Variants in SKIDA1 observed in about 807,000 individuals in gnomAD.
The protein encoded by SKIDA1 is SKI/DACH domain-containing protein 1.
Under a neutral mutation model 51.4 loss-of-function variants are expected in SKIDA1, and 18 were observed. That is an observed-to-expected ratio of 0.35 (90% CI 0.24 to 0.52). The LOEUF (loss-of-function observed/expected upper bound fraction) is 0.52, where lower values mean the gene tolerates loss of function less well. Ranked by LOEUF, SKIDA1 falls within the 20% of genes least tolerant of loss-of-function variation. The probability of loss-of-function intolerance (pLI) is 0.95; values close to 1 mark genes in which losing one functional copy is unlikely to be tolerated. For missense variants in SKIDA1, 1,104 were observed against 1,180.6 expected, an observed-to-expected ratio of 0.94 and a Z score of 0.95; for synonymous variants, 579 against 500.5, an observed-to-expected ratio of 1.16 and a Z score of -2.09.
At position 21,516,529 on chromosome 10, in the gene SKIDA1, C is replaced by G; in HGVS notation, c.1294G>C (p.Gly432Arg). 1 of 1,560,968 alleles carries G rather than the reference C, an allele frequency of 6.4e-7. No homozygotes were observed. Among genetic ancestry groups the G allele is most frequent in the East Asian group, 2.4e-5 (1 of 42,322 alleles). ...EEEEEEEGGS[G>R]ASDSSEVSSE... ...CTGACTTCACTGGAATCCGAGGCCC[C>G]GCTGCCCCCCTCCTCCTCCTCTTCC... The change falls in exon 4 of 4, where the codon GGG becomes CGG. Residue 432 changes from glycine (G) to arginine (R), a missense_variant. By Grantham distance (125) the Gly-to-Arg change is moderately radical. Transcript: ENST00000449193. The surrounding 1 kb of genome is among the most constrained non-coding windows in gnomAD (Gnocchi z 5.7).
chr10:21,518,552 A>C lies in SKIDA1; in HGVS notation c.-730T>G, dbSNP rs1284328666. 1.8e-5 allele frequency: 3 copies of C among 166,866 alleles called. No homozygotes were observed. The highest frequency in any genetic ancestry group is 4.8e-5 in the African/African-American group (2 of 41,402). 10.3% of individuals were successfully genotyped at this position (166,866 alleles called of 1,614,324 possible). ...TACGCTTAAGGGAGAAAAAAAAAAAAACCGCACCGTATATTCGCCTTTAAA... is the reference window on the plus strand; with the variant it reads ...TACGCTTAAGGGAGAAAAAAAAAAACACCGCACCGTATATTCGCCTTTAAA... On this transcript the variant is annotated 5_prime_UTR_variant, in exon 4 of 4. Transcript: ENST00000449193.
chr10:21,516,833 G>A lies in SKIDA1; in HGVS notation c.990C>T (p.Asn330=), dbSNP rs968178175. ...GGTGGTGCGGAGGCGGGCAGAAGCC[G>A]TTGACCAGATGAAACCTCTCCAGGC... The part of the protein sequence containing the change: ...ATCLERFHLV[N]GFCPPPHHHH... Residue 330 remains asparagine (N), a synonymous_variant, in exon 4 of 4, where the codon AAC becomes AAT. Coordinates refer to ENST00000449193, the MANE Select transcript of SKIDA1 (RefSeq NM_207371.4). The surrounding 1 kb of genome is among the most constrained non-coding windows in gnomAD (Gnocchi z 5.7). The A allele has an allele frequency of 5.2e-6, 8 of 1,541,988 alleles. No individual in the cohort carries two copies. Among genetic ancestry groups the A allele is most frequent in the Non-Finnish European group, 7.0e-6 (8 of 1,145,314 alleles).
Position 21,515,777 on chromosome 10 carries a change from C to T in SKIDA1, c.2046G>A (p.Leu682=), listed in dbSNP as rs1420511043. 6.2e-7 allele frequency: 1 copy of T among 1,613,850 alleles called. No homozygotes were observed. Among genetic ancestry groups the T allele is most frequent in the African/African-American group, 1.3e-5 (1 of 74,920 alleles). ...TDTGDKTLPF[L]HNIKIKVEDS... ...CTTCTACTTTGATTTTAATATTGTG[C>T]AGAAATGGCAATGTCTTGTCGCCTG... The change falls in exon 4 of 4, where the codon CTG becomes CTA. Residue 682 remains leucine, a synonymous_variant. Transcript: ENST00000449193.
rs370380837 is a variant in SKIDA1 at position 21,516,608 on chromosome 10, G to A, written c.1215C>T (p.Ser405=). The A allele has an allele frequency of 5.2e-6, 8 of 1,551,762 alleles. No individual in the cohort carries two copies. Among genetic ancestry groups the A allele is most frequent in the African/African-American group, 4.1e-5 (3 of 73,004 alleles). ...DSDFGSSLSS[S]SNSVSSEEEE... The stretch of plus-strand genomic sequence containing the variant: ...CTTCCTCTGAGGACACAGAATTGCT[G>A]GAGCTGGACAAACTGGAGCCAAAAT... The change falls in exon 4 of 4, where the codon TCC becomes TCT. Residue 405 remains serine (S), a synonymous_variant. Coordinates refer to ENST00000449193, the MANE Select transcript of SKIDA1 (RefSeq NM_207371.4). The surrounding 1 kb of genome is among the most constrained non-coding windows in gnomAD (Gnocchi z 5.7).
rs1272054351 is a variant in SKIDA1, at chr10:21,517,465, C to G, written c.358G>C (p.Glu120Gln). 6.6e-6 allele frequency: 10 copies of G among 1,521,052 alleles called. No individual in the cohort carries two copies. The highest frequency in any genetic ancestry group is 8.8e-6 in the Non-Finnish European group (10 of 1,138,612). 94.2% of individuals were successfully genotyped at this position (1,521,052 alleles called of 1,614,324 possible). A position where few individuals can be genotyped will look rare whatever the true frequency, so the allele number is the denominator to read the frequency against. ...CGGGGGCTGGCGGCAGCGGCGCGCTCTGGCGGCGGCGCCTTTGTGGCCAGG... is the reference window on the plus strand; with the variant it reads ...CGGGGGCTGGCGGCAGCGGCGCGCTGTGGCGGCGGCGCCTTTGTGGCCAGG... Reference protein sequence around the residue: ...RALATKAPPPERAAAASPRPG... With the variant: ...RALATKAPPPQRAAAASPRPG... The change falls in exon 4 of 4, where the codon GAG (glutamate) becomes CAG (glutamine). Residue 120 changes from glutamate (E) to glutamine (Q), a missense_variant. Glu to Gln is a conservative substitution (Grantham distance 29). This residue lies in a region of SKIDA1 where 938 missense variants were observed against 886.4 expected (regional missense o/e 1.06). Transcript: ENST00000449193. The surrounding 1 kb of genome is among the most constrained non-coding windows in gnomAD (Gnocchi z 6.9).
In SKIDA1 at chr10:21,513,552, T is replaced by C. The variant is rs1310482297; in HGVS notation, c.*1544A>G. ...CAGTGCAAATTTCCATAATTTTGAT[T>C]TACTGCTTCCATCATCACAACACAG... On this transcript the variant is annotated 3_prime_UTR_variant, in exon 4 of 4. Transcript: ENST00000449193. 6.6e-6 allele frequency: 1 copy of C among 152,640 alleles called. No individual in the cohort carries two copies. Among genetic ancestry groups the C allele is most frequent in the African/African-American group, 2.4e-5 (1 of 41,448 alleles). The allele number at this position is 152,640 out of a possible 1,614,324, so 9.5% of individuals were successfully genotyped here. A position where few individuals can be genotyped will look rare whatever the true frequency, so the allele number is the denominator to read the frequency against.
At chr10:21,524,789 C>T (rs2032607713) in intron 1 of SKIDA1, 1 of 152,166 alleles carries the variant, frequency 6.6e-6, no homozygotes, top group Non-Finnish European at 1.5e-5. Context: ...AGTGTTTGTC[C>T]TTGTATCCAC....
At position 21,516,213 on chromosome 10, in the gene SKIDA1, C is replaced by G; in HGVS notation, c.1610G>C (p.Ser537Thr). 1.2e-6 allele frequency: 2 copies of G among 1,614,070 alleles called. No homozygotes were observed. Among genetic ancestry groups the G allele is most frequent in the East Asian group, 2.2e-5 (1 of 44,884 alleles). ...TATCTCAGCGAAACAACTCCCCAGG[C>G]TGGCCGGGCAGTACACCGGAGATGC... is the stretch of plus-strand genomic sequence containing the variant. The part of the protein sequence containing the change: ...PKASPVYCPA[S>T]LGSCFAEIRN... Residue 537 changes from serine to threonine, a missense_variant, in exon 4 of 4, where the codon AGC (serine) becomes ACC (threonine). Ser to Thr is a moderately conservative substitution (Grantham distance 58, BLOSUM62 1). Around this residue, in one of 3 missense-constraint regions of SKIDA1, gnomAD observed 938 missense variants for 886.4 expected, o/e 1.06. Transcript: ENST00000449193. The surrounding 1 kb of genome is among the most constrained non-coding windows in gnomAD (Gnocchi z 5.7).
Position 21,515,995 on chromosome 10 carries a change from A to G in SKIDA1, c.1828T>C (p.Cys610Arg). 1 of 1,613,990 alleles carries G rather than the reference A, an allele frequency of 6.2e-7. No homozygotes were observed. Among genetic ancestry groups the G allele is most frequent in the Non-Finnish European group, 8.5e-7 (1 of 1,179,882 alleles). Residue 610 changes from cysteine to arginine, a missense_variant, in exon 4 of 4, where the codon TGT (cysteine) becomes CGT (arginine). Transcript: ENST00000449193. ...KCLQTTPTTH[C>R]ADNNTIAARF... ...GCAGCTATTGTGTTGTTATCTGCAC[A>G]GTGTGTAGTAGGAGTTGTTTGTAGG... is the stretch of plus-strand genomic sequence containing the variant.
intron 3 of SKIDA1, among the ~76,000 whole-genome samples, chr10:21,520,481 C>A (rs1297962021): frequency 7.0e-3 from 1 of 142 alleles, no homozygotes. Flanking sequence ...CACCCCCACC[C>A]CCGCCATTCC....
chr10:21,514,934 ACCCGCAACGG>A lies in SKIDA1; in HGVS notation c.*152_*161del. The A allele has an allele frequency of 2.4e-6, 2 of 826,706 alleles. No individual in the cohort carries two copies. Among genetic ancestry groups the A allele is most frequent in the Admixed American group, 4.6e-5 (1 of 21,572 alleles). The allele number at this position is 826,706 out of a possible 1,614,324, so 51.2% of individuals were successfully genotyped here. ...CCCTACTCCAGAAAAAAAAAAAAAA[ACCCGCAACGG>A]AAAAAAAGTAATCCGATTTCTGTCT... On this transcript the variant is annotated 3_prime_UTR_variant, in exon 4 of 4. Transcript: ENST00000449193.
chr10:21,517,470 G>C lies in SKIDA1; in HGVS notation c.353C>G (p.Pro118Arg). Residue 118 changes from proline (P) to arginine (R), a missense_variant, in exon 4 of 4, where the codon CCG becomes CGG. Coordinates refer to ENST00000449193, the MANE Select transcript of SKIDA1 (RefSeq NM_207371.4). The surrounding 1 kb of genome is among the most constrained non-coding windows in gnomAD (Gnocchi z 6.9). Reference protein sequence around the residue: ...VGRALATKAPPPERAAAASPR... With the variant: ...VGRALATKAPRPERAAAASPR... ...GCTGGCGGCAGCGGCGCGCTCTGGC[G>C]GCGGCGCCTTTGTGGCCAGGGCCCG... The C allele has an allele frequency of 6.5e-7, 1 of 1,527,788 alleles. No homozygotes were observed. The highest frequency in any genetic ancestry group is 8.8e-7 in the Non-Finnish European group (1 of 1,140,688). The allele number at this position is 1,527,788 out of a possible 1,614,324, so 94.6% of individuals were successfully genotyped here.
chr10:21,525,241 A>G (rs1332505063), intron 1 of SKIDA1, among the ~76,000 whole-genome samples: 1 of 152,204 alleles, frequency 6.6e-6, no homozygotes, highest in African/African-American at 2.4e-5. Flanking sequence ...GAATTTTTAA[A>G]AAGGAAAGGG....
intron 3 of SKIDA1, among the ~76,000 whole-genome samples, chr10:21,520,756 A>T (rs1381757360): frequency 6.6e-6 from 1 of 151,696 alleles, no homozygotes; most frequent in Non-Finnish European, 1.5e-5. Flanking sequence ...CCTTTAAAAT[A>T]TTGGCAATAT....
Position 21,517,150 on chromosome 10 carries a change from C to T in SKIDA1, c.673G>A (p.Ala225Thr). 1 of 1,268,162 alleles carries T rather than the reference C, an allele frequency of 7.9e-7. No homozygotes were observed. The highest frequency in any genetic ancestry group is 1.0e-6 in the Non-Finnish European group (1 of 1,001,228). 78.6% of individuals were successfully genotyped at this position (1,268,162 alleles called of 1,614,324 possible). A position where few individuals can be genotyped will look rare whatever the true frequency, so the allele number is the denominator to read the frequency against. ...GCGGCGGCGGCGGCGGCGGCGGCGG[C>T]TGCCGGGTGTTTGCTGCACAGCAGG... ...RSLLCSKHPA[A>T]AAAAAAAAAA... Residue 225 changes from alanine (A) to threonine (T), a missense_variant, in exon 4 of 4, where the codon GCC becomes ACC. Ala to Thr is a moderately conservative substitution (Grantham distance 58). Coordinates refer to ENST00000449193, the MANE Select transcript of SKIDA1 (RefSeq NM_207371.4). This position sits in a 1 kb window ranked among gnomAD's most constrained non-coding sequence, Gnocchi z 6.9.
In SKIDA1 at chr10:21,517,845, C is replaced by T. The variant is rs774872300; in HGVS notation, c.-23G>A. ...CATCTCGGGCACTAAATGATCCCCACCATTTGCAGTAAATATATACGTGAC... is the reference window on the plus strand; with the variant it reads ...CATCTCGGGCACTAAATGATCCCCATCATTTGCAGTAAATATATACGTGAC... On this transcript the variant is annotated 5_prime_UTR_variant, in exon 4 of 4. The change creates a new upstream start codon in the 5' untranslated region. Coordinates refer to ENST00000449193, the MANE Select transcript of SKIDA1 (RefSeq NM_207371.4). This position sits in a 1 kb window ranked among gnomAD's most constrained non-coding sequence, Gnocchi z 6.9. 3 of 1,579,452 alleles carry T rather than the reference C, an allele frequency of 1.9e-6. No homozygotes were observed. Among genetic ancestry groups the T allele is most frequent in the East Asian group, 4.5e-5 (2 of 44,192 alleles).
chr10:21,516,738 G>C lies in SKIDA1; in HGVS notation c.1085C>G (p.Pro362Arg). The C allele has an allele frequency of 6.5e-7, 1 of 1,549,762 alleles. No homozygotes were observed. The highest frequency in any genetic ancestry group is 8.7e-7 in the Non-Finnish European group (1 of 1,146,568). Residue 362 changes from proline (P) to arginine (R), a missense_variant, in exon 4 of 4, where the codon CCC (proline) becomes CGC (arginine). Physicochemically the swap from Pro to Arg is moderately radical, Grantham distance 103. Coordinates refer to ENST00000449193, the MANE Select transcript of SKIDA1 (RefSeq NM_207371.4). The surrounding 1 kb of genome is among the most constrained non-coding windows in gnomAD (Gnocchi z 5.7). ...GGGCTGCGGCCGGTGGTGGTGAGGG[G>C]GGTGGTGACTCTGCTGCGGCGGCTG... ...RAQPPQQSHH[P>R]PHHHRPQPHL...
intron 2 of SKIDA1, among the ~76,000 whole-genome samples, chr10:21,523,013 T>C (rs1274654300): frequency 2.0e-5 from 3 of 152,154 alleles, no homozygotes; most frequent in African/African-American, 7.2e-5. Flanking sequence ...AGGTGAGCAA[T>C]AGGCACCTCC....
chr10:21,523,420 C>G (rs930344521), intron 2 of SKIDA1, among the ~76,000 whole-genome samples: 1 of 152,116 alleles, frequency 6.6e-6, no homozygotes, highest in Non-Finnish European at 1.5e-5. Flanking sequence ...CAAAGAAAAG[C>G]CACTTTTCCT....
Sources: gnomAD v4.1 joint callset for allele counts (sites outside exome capture counted in the v4.1 genomes callset) on GRCh38, gnomAD v4.1.1 for gene constraint, gnomAD v4.1.1 regional missense constraint, Gnocchi (gnomAD v3.1) non-coding constraint, MANE v1.5 for transcripts, NCBI Gene and HGNC (gene_info 2026-07-23, HGNC 2026-07-21) for gene names.